The following GGNBP2 variants were observed in gnomAD, a reference collection of about 807,000 sequenced individuals.
GGNBP2 encodes the protein gametogenetin-binding protein 2.
Under a neutral mutation model 85.9 loss-of-function variants are expected in GGNBP2, and 10 were observed. The observed-to-expected ratio is 0.12, with a 90% CI of 0.07 to 0.20. The LOEUF (loss-of-function observed/expected upper bound fraction) is 0.20. Ranked by LOEUF, GGNBP2 falls within the 10% of genes least tolerant of loss-of-function variation. The pLI, the probability that GGNBP2 is intolerant of heterozygous loss-of-function variation, is 1.00. For missense variants in GGNBP2, 595 were observed against 857.8 expected, an observed-to-expected ratio of 0.69 and a Z score of 3.83; for synonymous variants, 287 against 285.7, an observed-to-expected ratio of 1.00 and a Z score of -0.05.
chr17:36,582,340 C>G (rs943229841), intron 9 of GGNBP2: 2 of 152,126 alleles, frequency 1.3e-5, no homozygotes, highest in African/African-American at 4.8e-5. Flanking sequence ...GAGCCAAGAT[C>G]GCTCCACTGC....
intron 5 of GGNBP2, among the ~76,000 whole-genome samples, chr17:36,561,862 A>T (rs971390546): frequency 6.6e-6 from 1 of 151,998 alleles, no homozygotes; most frequent in African/African-American, 2.4e-5. Flanking sequence ...TGACCTCATG[A>T]TCCGCCCACC....
chr17:36,586,970 C>G (rs1214898261), intron 12 of GGNBP2, 27 bp from the exon 13 acceptor site: 1 of 1,579,318 alleles, frequency 6.3e-7, no homozygotes. Flanking sequence ...GCCTTTTTAC[C>G]TGTGAAATCC....
At chr17:36,557,683 G>C (rs1216625820) in intron 4 of GGNBP2, among the ~76,000 whole-genome samples, 1 of 152,134 alleles carries the variant, frequency 6.6e-6, no homozygotes, top group Middle Eastern at 3.2e-3. Flanking sequence ...GTAGAAAACT[G>C]GGGGGAAGGC....
At position 36,567,690 on chromosome 17, in the gene GGNBP2, A is replaced by G. The variant is rs1555606047; in HGVS notation, c.555A>G (p.Leu185=). 6.2e-7 allele frequency: 1 copy of G among 1,602,210 alleles called. No homozygotes were observed. Among genetic ancestry groups the G allele is most frequent in the South Asian group, 1.1e-5 (1 of 90,634 alleles). Residue 185 remains leucine (L), a synonymous_variant, in exon 6 of 14, where the codon CTA becomes CTG. Coordinates refer to ENST00000613102, the MANE Select transcript of GGNBP2 (RefSeq NM_024835.5). Reference sequence around the variant, plus strand: ...GTTGTTGGATGGATGTATGGGAACTAATGTCGCAGGAATGCAGGGATGAAG... The same window carrying G: ...GTTGTTGGATGGATGTATGGGAACTGATGTCGCAGGAATGCAGGGATGAAG... ...LGGCWMDVWE[L]MSQECRDEVV...
chr17:36,546,091 C>G (rs2074251782), intron 2 of GGNBP2: 1 of 441,008 alleles, frequency 2.3e-6, no homozygotes, highest in Non-Finnish European at 4.0e-6. Flanking sequence ...TTAGGAGACG[C>G]TGCTTTTGTC....
intron 2 of GGNBP2, chr17:36,546,123 G>A (rs2074252187): frequency 2.3e-6 from 1 of 429,962 alleles, no homozygotes; most frequent in South Asian, 7.2e-5. Context: ...CTCAGAGAGG[G>A]GTTGAAGGAT....
intron 3 of GGNBP2, among the ~76,000 whole-genome samples, chr17:36,556,144 A>G (rs1477930471): frequency 2.0e-5 from 3 of 152,238 alleles, no homozygotes; most frequent in African/African-American, 4.8e-5. Flanking sequence ...GTTACTTACT[A>G]GAGTTTGCTC....
intron 12 of GGNBP2, 190 bp from the exon 13 acceptor site, chr17:36,586,807 T>C: frequency 1.9e-6 from 1 of 538,040 alleles, no homozygotes; most frequent in Non-Finnish European, 3.3e-6. Flanking sequence ...TTAGTAGAGA[T>C]GGCATTTGAC....
At chr17:36,575,954 T>G (rs1242917617) in intron 6 of GGNBP2, among the ~76,000 whole-genome samples, 1 of 150,848 alleles carries the variant, frequency 6.6e-6, no homozygotes, top group African/African-American at 2.4e-5. Context: ...GCCCATATCT[T>G]CATTTTAAGA....
In GGNBP2 at chr17:36,545,662, AGCG is replaced by A. The variant is rs1001495926; in HGVS notation, c.-48_-46del. On this transcript the variant is annotated 5_prime_UTR_variant, in exon 2 of 14. Transcript: ENST00000613102. ...CGGCAGCGGCGGCGGCAGAAACAGC[AGCG>A]GCGGCGGCGGCGGCAGCTGGGAGGA... 2.4e-4 allele frequency: 312 copies of A among 1,298,666 alleles called. No individual in the cohort carries two copies. The highest frequency in any genetic ancestry group is 2.8e-4 in the Non-Finnish European group (262 of 920,232). 80.4% of individuals were successfully genotyped at this position (1,298,666 alleles called of 1,614,324 possible).
intron 6 of GGNBP2, among the ~76,000 whole-genome samples, chr17:36,572,624 G>T (rs1371788467): frequency 1.3e-5 from 2 of 152,052 alleles, no homozygotes; most frequent in African/African-American, 2.4e-5. Flanking sequence ...TACTAGGGAG[G>T]TTGAGGCTAC....
At chr17:36,557,429 T>C (rs1009959614) in intron 4 of GGNBP2, 93 bp downstream of exon 4, 99 of 1,063,388 alleles carry the variant, frequency 9.3e-5, no homozygotes, top group Non-Finnish European at 1.3e-4. Flanking sequence ...AAAGATTGAG[T>C]CTGATTTAAT....
At chr17:36,574,796 C>T in intron 6 of GGNBP2, 1 of 654,714 alleles carries the variant, frequency 1.5e-6, no homozygotes, top group East Asian at 2.7e-5. Flanking sequence ...TGTCGGCTTG[C>T]AAGGGATGGT....
Position 36,556,397 on chromosome 17 carries a change from TCAAAA to T in GGNBP2, c.175-670_175-666del, listed in dbSNP as rs751514532. ...ATAGTAAGTGTGTTGTTAAAAGTTGTCAAAACAAAACAAAACAAAAAAAACAGGCC... is the reference window on the plus strand; with the variant it reads ...ATAGTAAGTGTGTTGTTAAAAGTTGTCAAAACAAAACAAAAAAAACAGGCC... On this transcript the variant is annotated intron_variant, in intron 3 of 13. Coordinates refer to ENST00000613102, the MANE Select transcript of GGNBP2 (RefSeq NM_024835.5). Among the ~76,000 whole-genome samples the T allele has an allele frequency of 8.8e-4, 134 of 152,148 alleles. 1 individual carries two copies. The highest frequency in any genetic ancestry group is 3.4e-3 in the Middle Eastern group (1 of 294).
At chr17:36,546,390 A>C (rs2074255406) in intron 2 of GGNBP2, 1 of 156,566 alleles carries the variant, frequency 6.4e-6, no homozygotes, top group Non-Finnish European at 1.4e-5. Context: ...TTGTATTGCT[A>C]GGCCCTTTCT....
chr17:36,588,600 A>ATTTT (rs138773605), intron 13 of GGNBP2, among the ~76,000 whole-genome samples: 2 of 128,794 alleles, frequency 1.6e-5, no homozygotes, highest in Non-Finnish European at 1.6e-5. Context: ...TTTAATATTT[A>ATTTT]TTTATTTTTT....
intron 6 of GGNBP2, among the ~76,000 whole-genome samples, chr17:36,573,195 C>T (rs2074543918): frequency 6.6e-6 from 1 of 151,974 alleles, no homozygotes; most frequent in South Asian, 2.1e-4. Context: ...TCACTGCAAC[C>T]TCCGCCTCCC....
chr17:36,584,551 T>C (rs1425470724), intron 9 of GGNBP2, among the ~76,000 whole-genome samples: 2 of 152,198 alleles, frequency 1.3e-5, no homozygotes, highest in African/African-American at 4.8e-5. Context: ...TTGGCTAGGC[T>C]GGTTTTGAAC....
At chr17:36,569,692 T>C (rs1296303528) in intron 6 of GGNBP2, among the ~76,000 whole-genome samples, 2 of 152,242 alleles carry the variant, frequency 1.3e-5, no homozygotes, top group East Asian at 1.9e-4. Context: ...TGGTGGATTA[T>C]GCCCAAGAGA....
Sources: allele counts gnomAD v4.1 joint callset (sites outside exome capture counted in the v4.1 genomes callset), GRCh38; gene constraint gnomAD v4.1.1; transcripts MANE v1.5; gene names NCBI Gene and HGNC (gene_info 2026-07-23, HGNC 2026-07-21).